The following CYP20A1 variants were observed in gnomAD, a reference collection of about 807,000 sequenced individuals.
CYP20A1 encodes the protein cytochrome P450 20A1.
In CYP20A1, 61 loss-of-function variants were observed where a neutral mutation model predicts 61.4. The ratio of observed to expected loss-of-function variants is 0.99; its 90% confidence interval spans 0.81 to 1.23. The LOEUF (loss-of-function observed/expected upper bound fraction) is 1.23, where lower values mean the gene tolerates loss of function less well. CYP20A1 is among the 50% of genes most tolerant of loss of function. CYP20A1 has a pLI of 0.00. For missense variants in CYP20A1, 530 were observed against 542.4 expected, an observed-to-expected ratio of 0.98 and a Z score of 0.23; for synonymous variants, 193 against 188.2, an observed-to-expected ratio of 1.03 and a Z score of -0.21.
Position 203,305,357 on chromosome 2 carries a change from AC to A in CYP20A1, c.*8454del, listed in dbSNP as rs1259145629. ...CTGGGACTACAGTCGCACGCCAACCACCCCCAGCTAATTTTTTTATTTTTAG... is the reference window on the plus strand; with the variant it reads ...CTGGGACTACAGTCGCACGCCAACCACCCCAGCTAATTTTTTTATTTTTAG... On this transcript the variant is annotated 3_prime_UTR_variant, in exon 13 of 13. Transcript: ENST00000356079. 1 of 150,624 alleles carries A rather than the reference AC, an allele frequency of 6.6e-6. No individual in the cohort carries two copies. The highest frequency in any genetic ancestry group is 6.6e-5 in the Admixed American group (1 of 15,078). 9.3% of individuals were successfully genotyped at this position (150,624 alleles called of 1,614,324 possible). A position where few individuals can be genotyped will look rare whatever the true frequency, so the allele number is the denominator to read the frequency against.
At chr2:203,287,393 TG>T (rs2068326382) in intron 9 of CYP20A1, among the ~76,000 whole-genome samples, 1 of 152,012 alleles carries the variant, frequency 6.6e-6, no homozygotes, top group Non-Finnish European at 1.5e-5. Context: ...GAGGTTCCTT[TG>T]TAAATGTGCC....
chr2:203,296,402 G>A (rs967540071), intron 11 of CYP20A1, 72 bp from the exon 12 acceptor site: 2 of 853,592 alleles, frequency 2.3e-6, no homozygotes, highest in Non-Finnish European at 3.7e-6. Flanking sequence ...TTACATACTT[G>A]TGTTCTTTTA....
chr2:203,283,459 G>T (rs2068129663), intron 8 of CYP20A1, among the ~76,000 whole-genome samples: 1 of 151,542 alleles, frequency 6.6e-6, no homozygotes, highest in Non-Finnish European at 1.5e-5. Flanking sequence ...CTCGTGATCT[G>T]CCCGCCTTGG....
intron 1 of CYP20A1, among the ~76,000 whole-genome samples, chr2:203,243,310 A>C (rs1268699425): frequency 6.6e-6 from 1 of 151,282 alleles, no homozygotes; most frequent in Non-Finnish European, 1.5e-5. Flanking sequence ...CAGTTGGCTA[A>C]TTTTTGTATT....
At position 203,299,885 on chromosome 2, in the gene CYP20A1, G is replaced by A. The variant is rs1289401787; in HGVS notation, c.*2977G>A. On this transcript the variant is annotated 3_prime_UTR_variant, in exon 13 of 13. Coordinates refer to ENST00000356079, the MANE Select transcript of CYP20A1 (RefSeq NM_177538.3). Reference sequence around the variant, plus strand: ...GTGAAACTCCGTCTCAAAAAAAAAAGAAAAATTCTAAAACTTTAAGTGAAA... The same window carrying A: ...GTGAAACTCCGTCTCAAAAAAAAAAAAAAAATTCTAAAACTTTAAGTGAAA... Among the ~76,000 whole-genome samples, 1 of 151,830 alleles carries A rather than the reference G, an allele frequency of 6.6e-6. No individual in the cohort carries two copies. Among genetic ancestry groups the A allele is most frequent in the Non-Finnish European group, 1.5e-5 (1 of 67,920 alleles).
At chr2:203,279,700 G>A (rs1256308185) in intron 7 of CYP20A1, among the ~76,000 whole-genome samples, 4 of 152,138 alleles carry the variant, frequency 2.6e-5, no homozygotes, top group Non-Finnish European at 5.9e-5. Flanking sequence ...ACTAGGCTAA[G>A]CCAGAAAAAT....
intron 1 of CYP20A1, among the ~76,000 whole-genome samples, chr2:203,242,209 C>T (rs1266573211): frequency 6.6e-6 from 1 of 152,134 alleles, no homozygotes; most frequent in African/African-American, 2.4e-5. Flanking sequence ...TGGTCTCGAA[C>T]TTCTGGGCTG....
chr2:203,298,559 G>C lies in CYP20A1; in HGVS notation c.*1651G>C, dbSNP rs925210595. The stretch of plus-strand genomic sequence containing the variant: ...AAAAAAAAAAAAAAAAAATTAGCCA[G>C]ATGTGGTGGTGCACATTTGTAATCC... On this transcript the variant is annotated 3_prime_UTR_variant, in exon 13 of 13. Transcript: ENST00000356079. Among the ~76,000 whole-genome samples, 2 of 144,336 alleles carry C rather than the reference G, an allele frequency of 1.4e-5. No individual in the cohort carries two copies. The allele number at this position is 144,336 out of a possible 152,430, so 94.7% of individuals were successfully genotyped here.
chr2:203,275,853 T>C (rs963668541), intron 6 of CYP20A1, among the ~76,000 whole-genome samples: 10 of 152,228 alleles, frequency 6.6e-5, no homozygotes, highest in Admixed American at 6.5e-4. Flanking sequence ...CTAAACAAAA[T>C]TTCTTGCCCT....
At chr2:203,254,939 C>T (rs975210210) in intron 4 of CYP20A1, among the ~76,000 whole-genome samples, 14 of 150,946 alleles carry the variant, frequency 9.3e-5, no homozygotes, top group Admixed American at 2.0e-4. Context: ...TGCAGTGAGC[C>T]AAGATTGCGC....
chr2:203,293,356 C>T (rs2068626793), intron 11 of CYP20A1, among the ~76,000 whole-genome samples: 1 of 150,662 alleles, frequency 6.6e-6, no homozygotes, highest in South Asian at 2.1e-4. Context: ...GCTGGGACTA[C>T]AGGCACCCGC....
At chr2:203,279,122 G>A (rs1383916720) in intron 7 of CYP20A1, among the ~76,000 whole-genome samples, 4 of 152,084 alleles carry the variant, frequency 2.6e-5, no homozygotes, top group South Asian at 2.1e-4. Flanking sequence ...GCACCACCAC[G>A]CCCAGATAAT....
rs1378979719 is a variant in CYP20A1 at position 203,252,093 on chromosome 2, T to C, written c.416T>C (p.Phe139Ser). The change falls in exon 4 of 13, where the codon TTT becomes TCT. Residue 139 changes from phenylalanine (F) to serine (S), a missense_variant. Physicochemically the swap from Phe to Ser is radical, Grantham distance 155 (BLOSUM62 -2). Coordinates refer to ENST00000356079, the MANE Select transcript of CYP20A1 (RefSeq NM_177538.3). ...NGVTDSLKSN[F>S]ALLLKLSEEL... ...GTGACTGATTCTCTGAAGAGTAACT[T>C]TGCCCTCCTCCTAAAGGTAAGGTGA... 1 of 1,607,672 alleles carries C rather than the reference T, an allele frequency of 6.2e-7. No individual in the cohort carries two copies. The highest frequency in any genetic ancestry group is 1.3e-5 in the African/African-American group (1 of 74,700).
At chr2:203,239,363 A>C (rs74385330) in intron 1 of CYP20A1, among the ~76,000 whole-genome samples, 2 of 151,990 alleles carry the variant, frequency 1.3e-5, no homozygotes, top group African/African-American at 4.8e-5. Flanking sequence ...GCGCCGGGCC[A>C]GGCGGGCGTA....
At position 203,298,816 on chromosome 2, in the gene CYP20A1, C is replaced by T. The variant is rs563916251; in HGVS notation, c.*1908C>T. Reference sequence around the variant, plus strand: ...TTGGGAAGCCGACATGGGCAGATCACGAGGTCAAGAGATTTGAGACCATCC... The same window carrying T: ...TTGGGAAGCCGACATGGGCAGATCATGAGGTCAAGAGATTTGAGACCATCC... On this transcript the variant is annotated 3_prime_UTR_variant, in exon 13 of 13. Transcript: ENST00000356079. Among the ~76,000 whole-genome samples, 74 of 152,036 alleles carry T rather than the reference C, an allele frequency of 4.9e-4. No individual in the cohort carries two copies. Among genetic ancestry groups the T allele is most frequent in the Non-Finnish European group, 8.7e-4 (59 of 67,986 alleles).
chr2:203,282,263 G>C (rs1483242296), intron 8 of CYP20A1, among the ~76,000 whole-genome samples: 1 of 151,982 alleles, frequency 6.6e-6, no homozygotes, highest in African/African-American at 2.4e-5. Context: ...GACCTCAGGT[G>C]CTCCACCTGC....
intron 4 of CYP20A1, among the ~76,000 whole-genome samples, chr2:203,258,007 T>TTATA (rs1331175718): frequency 1.7e-5 from 1 of 59,790 alleles, no homozygotes; most frequent in Non-Finnish European, 5.3e-5. Context: ...GCTGAAGGGA[T>TTATA]CCTCCTGCCT....
intron 4 of CYP20A1, among the ~76,000 whole-genome samples, chr2:203,257,294 T>C (rs969582074): frequency 2.7e-5 from 4 of 150,034 alleles, no homozygotes; most frequent in African/African-American, 9.8e-5. Flanking sequence ...CACTCTAGCC[T>C]AGGCGACTGT....
At chr2:203,260,175 C>G (rs1575196256) in intron 4 of CYP20A1, among the ~76,000 whole-genome samples, 1 of 151,850 alleles carries the variant, frequency 6.6e-6, no homozygotes, top group Non-Finnish European at 1.5e-5. Context: ...GAGCCACATG[C>G]CTTGGCCTCC....
Sources: gnomAD v4.1 joint callset for allele counts (sites outside exome capture counted in the v4.1 genomes callset) on GRCh38, gnomAD v4.1.1 for gene constraint, MANE v1.5 for transcripts, NCBI Gene and HGNC (gene_info 2026-07-23, HGNC 2026-07-21) for gene names.